Variants in ZNF385C observed in about 807,000 individuals in gnomAD.
The protein encoded by ZNF385C is zinc finger protein 385C.
Under a neutral mutation model 35.4 loss-of-function variants are expected in ZNF385C, and 28 were observed. That is an observed-to-expected ratio of 0.79 (90% CI 0.59 to 1.08). The LOEUF (loss-of-function observed/expected upper bound fraction) is 1.08. Among genes scored for constraint, ZNF385C ranks in the 50% least tolerant of loss-of-function variants. The probability of loss-of-function intolerance (pLI) is 0.00; values close to 1 mark genes in which losing one functional copy is unlikely to be tolerated. For synonymous variants in ZNF385C, 248 were observed against 248.2 expected (o/e 1.00, Z 0.01); for missense variants, 605 against 595.6 (o/e 1.02, Z -0.16).
intron 2 of ZNF385C, among the ~76,000 whole-genome samples, chr17:42,051,220 GCCT>G (rs1318823757): frequency 6.6e-6 from 1 of 152,050 alleles, no homozygotes; most frequent in Non-Finnish European, 1.5e-5. Context: ...CTGGTGGGAA[GCCT>G]CCTCCGGAGG....
chr17:42,072,915 A>G (rs1555658987), intron 1 of ZNF385C, among the ~76,000 whole-genome samples: 1 of 151,844 alleles, frequency 6.6e-6, no homozygotes, highest in African/African-American at 2.4e-5. Context: ...GAGCTCAGGG[A>G]AGGGGACCCC....
At chr17:42,078,584 A>G (rs969758233) in intron 1 of ZNF385C, among the ~76,000 whole-genome samples, 7 of 152,124 alleles carry the variant, frequency 4.6e-5, no homozygotes, top group Admixed American at 1.3e-4. Flanking sequence ...AGATTATCAC[A>G]TTAAACTTTC....
intron 1 of ZNF385C, among the ~76,000 whole-genome samples, chr17:42,097,750 TC>T (rs1555661076): frequency 6.6e-6 from 1 of 151,874 alleles, no homozygotes; most frequent in Non-Finnish European, 1.5e-5. Context: ...GTGCAAATGC[TC>T]CCCTGTCTGC....
Position 42,034,226 on chromosome 17 carries a change from G to A in ZNF385C, c.509C>T (p.Ala170Val), listed in dbSNP as rs954923438. Reference protein sequence around the residue: ...CNICHLRFNSANQAEAHYKGH... With the variant: ...CNICHLRFNSVNQAEAHYKGH... ...CCTGCTTTCACTACTTTGTCTCACC[G>A]CTGAGTTGAACCTCAGGTGACAGAT... Residue 170 changes from alanine to valine, a missense_variant and splice_region_variant, in exon 4 of 9, where the codon GCG becomes GTG. By Grantham distance (64) the Ala-to-Val change is moderately conservative. Transcript: ENST00000692273. 1.7e-5 allele frequency: 27 copies of A among 1,549,508 alleles called. No individual in the cohort carries two copies. Among genetic ancestry groups the A allele is most frequent in the East Asian group, 2.4e-5 (1 of 40,902 alleles).
At chr17:42,082,834 T>C (rs1364421874) in intron 1 of ZNF385C, among the ~76,000 whole-genome samples, 1 of 152,130 alleles carries the variant, frequency 6.6e-6, no homozygotes. Context: ...TCCCAGCACT[T>C]TGGGAGGCCA....
At chr17:42,078,017 G>A (rs1052861910) in intron 1 of ZNF385C, among the ~76,000 whole-genome samples, 15 of 152,174 alleles carry the variant, frequency 9.9e-5, no homozygotes, top group African/African-American at 3.4e-4. Flanking sequence ...GGGCTCCAGC[G>A]CCAGCCAGGC....
intron 1 of ZNF385C, among the ~76,000 whole-genome samples, chr17:42,086,380 T>TTAAA (rs1362401985): frequency 1.3e-5 from 2 of 149,674 alleles, no homozygotes; most frequent in African/African-American, 2.5e-5. Context: ...AGACTTTGTC[T>TTAAA]TAAATAAATA....
intron 1 of ZNF385C, among the ~76,000 whole-genome samples, chr17:42,072,096 G>T (rs2053632748): frequency 6.6e-6 from 1 of 152,120 alleles, no homozygotes; most frequent in South Asian, 2.1e-4. Flanking sequence ...AGTACTTTTT[G>T]CACCCCCCAA....
chr17:42,062,514 G>T (rs782423183), intron 2 of ZNF385C: 1 of 296,406 alleles, frequency 3.4e-6, no homozygotes, highest in Non-Finnish European at 6.2e-6. Context: ...GAGAAGTGCT[G>T]CTTAGGAGTC....
intron 1 of ZNF385C, among the ~76,000 whole-genome samples, chr17:42,077,985 G>C (rs532298128): frequency 1.3e-5 from 2 of 152,140 alleles, no homozygotes; most frequent in Admixed American, 6.5e-5. Context: ...CAAGGAGGAC[G>C]GCACCACCTC....
intron 2 of ZNF385C, among the ~76,000 whole-genome samples, chr17:42,046,229 T>C (rs895729683): frequency 3.3e-5 from 5 of 152,088 alleles, no homozygotes; most frequent in Admixed American, 6.6e-5. Context: ...TGTTTGTTCA[T>C]TTTCATATCT....
intron 1 of ZNF385C, among the ~76,000 whole-genome samples, chr17:42,096,581 G>C (rs2053919931): frequency 6.6e-6 from 1 of 152,196 alleles, no homozygotes; most frequent in South Asian, 2.1e-4. Context: ...GGACAGCTTG[G>C]ACAATCCCCA....
chr17:42,034,959 C>T (rs1332130483), intron 3 of ZNF385C, among the ~76,000 whole-genome samples: 3 of 148,308 alleles, frequency 2.0e-5, no homozygotes, highest in Admixed American at 6.7e-5. Flanking sequence ...TCCTTCTCTA[C>T]TAAAAATACA....
In ZNF385C at chr17:42,094,980, AGG is replaced by A. The variant is rs2053902668; in HGVS notation, c.-3+3428_-3+3429del. Reference sequence around the variant, plus strand: ...ATGGGTGTCACAAGCCATGTGTGTCAGGGTGGGTCTGACCTGGGGTGGGGTTT... The same window carrying A: ...ATGGGTGTCACAAGCCATGTGTGTCAGTGGGTCTGACCTGGGGTGGGGTTT... On this transcript the variant is annotated intron_variant, in intron 1 of 8. Coordinates refer to ENST00000692273, the MANE Select transcript of ZNF385C (RefSeq NM_001392013.1). Among the ~76,000 whole-genome samples, 3 of 152,224 alleles carry A rather than the reference AGG, an allele frequency of 2.0e-5. No homozygotes were observed. The South Asian group carries it at 6.2e-4, about 32-fold the overall frequency.
intron 2 of ZNF385C, among the ~76,000 whole-genome samples, chr17:42,052,869 C>A (rs782622302): frequency 6.6e-6 from 1 of 152,224 alleles, no homozygotes. Context: ...CCCCCTACCC[C>A]CAAGTCACGG....
rs782051079 is a variant in ZNF385C at position 42,027,138 on chromosome 17, A to G, written c.1276-5T>C. The G allele has an allele frequency of 2.8e-5, 45 of 1,612,630 alleles. No individual in the cohort carries two copies. The South Asian group carries it at 4.3e-4, about 15-fold the overall frequency. ...CTTCTGCAAGGCCAGTTTAGACTAC[A>G]CGGAAAAGAAAGGAATGGACACAGT... On this transcript the variant is annotated splice_region_variant and splice_polypyrimidine_tract_variant and intron_variant, in intron 8 of 8. Coordinates refer to ENST00000692273, the MANE Select transcript of ZNF385C (RefSeq NM_001392013.1).
At chr17:42,043,939 T>C (rs958966184) in intron 2 of ZNF385C, among the ~76,000 whole-genome samples, 1 of 151,894 alleles carries the variant, frequency 6.6e-6, no homozygotes, top group African/African-American at 2.4e-5. Context: ...GAGTTCATAG[T>C]GAACCAGGAC....
rs2053263364 is a variant in ZNF385C, at chr17:42,050,678, G to C, written c.250+12129C>G. 6.6e-6 allele frequency: 1 copy of C among 151,422 alleles called. No individual in the cohort carries two copies. The highest frequency in any genetic ancestry group is 6.6e-5 in the Admixed American group (1 of 15,224). The allele number at this position is 151,422 out of a possible 1,614,324, so 9.4% of individuals were successfully genotyped here. A position where few individuals can be genotyped will look rare whatever the true frequency, so the allele number is the denominator to read the frequency against. On this transcript the variant is annotated intron_variant, in intron 2 of 8. Transcript: ENST00000692273. The surrounding 1 kb of genome is among the most constrained non-coding windows in gnomAD (Gnocchi z 5.6). Reference sequence around the variant, plus strand: ...GAAGAGGCGCCAGCAGCCAGCGCCGGCCAGGGTCCCGGGCAGGGCGGGCGG... The same window carrying C: ...GAAGAGGCGCCAGCAGCCAGCGCCGCCCAGGGTCCCGGGCAGGGCGGGCGG...
At chr17:42,028,625 G>C (rs1453715638) in intron 6 of ZNF385C, 158 bp downstream of exon 6, 22 of 923,072 alleles carry the variant, frequency 2.4e-5, no homozygotes, top group Non-Finnish European at 3.2e-5. Flanking sequence ...AGGAGTAATG[G>C]GAGGACCCAG....
Sources: allele counts gnomAD v4.1 joint callset (sites outside exome capture counted in the v4.1 genomes callset), GRCh38; gene constraint gnomAD v4.1.1; non-coding constraint Gnocchi (gnomAD v3.1); transcripts MANE v1.5; gene names NCBI Gene and HGNC (gene_info 2026-07-23, HGNC 2026-07-21).